Variants in ST3GAL1 observed in about 807,000 individuals in gnomAD.
ST3GAL1 encodes ST3 beta-galactoside alpha-2,3-sialyltransferase 1, also known as CMP-N-acetylneuraminate-beta-galactosamide-alpha-2,3-sialyltransferase 1.
ST3GAL1 carries 16 observed loss-of-function variants against 34.1 expected under a neutral mutation model. The observed-to-expected ratio is 0.47, with a 90% CI of 0.32 to 0.71. The LOEUF is 0.71. Among genes scored for constraint, ST3GAL1 ranks in the 30% least tolerant of loss-of-function variants. The pLI, the probability that ST3GAL1 is intolerant of heterozygous loss-of-function variation, is 0.04. For missense variants in ST3GAL1, 353 were observed against 447.4 expected (o/e 0.79, Z 1.90); for synonymous variants, 191 against 184.7 (o/e 1.03, Z -0.28).
intron 2 of ST3GAL1, among the ~76,000 whole-genome samples, chr8:133,541,192 C>A (rs1305179867): frequency 6.9e-6 from 1 of 144,566 alleles, no homozygotes; most frequent in South Asian, 2.2e-4. Flanking sequence ...TAGCTAGGAT[C>A]TTTGTCTGAT....
At chr8:133,497,423 C>T (rs1037472465) in intron 3 of ST3GAL1, among the ~76,000 whole-genome samples, 3 of 146,936 alleles carry the variant, frequency 2.0e-5, no homozygotes, top group Non-Finnish European at 3.0e-5. Flanking sequence ...ATTAGAGATA[C>T]ACCTTTCTTC....
At chr8:133,551,950 G>T (rs527607897) in intron 1 of ST3GAL1, among the ~76,000 whole-genome samples, 1 of 152,164 alleles carries the variant, frequency 6.6e-6, no homozygotes, top group African/African-American at 2.4e-5. Context: ...TTTGCTCAAG[G>T]TCATATGACT....
At chr8:133,551,596 A>T (rs1366311994) in intron 1 of ST3GAL1, among the ~76,000 whole-genome samples, 1 of 149,756 alleles carries the variant, frequency 6.7e-6, no homozygotes, top group Admixed American at 6.7e-5. Context: ...GAAAGAAAGA[A>T]AGAAAGAAAG....
At chr8:133,553,751 A>G (rs1371109126) in intron 1 of ST3GAL1, among the ~76,000 whole-genome samples, 2 of 152,180 alleles carry the variant, frequency 1.3e-5, no homozygotes, top group African/African-American at 4.8e-5. Context: ...TGTGATTAGG[A>G]TCATGCAGTG....
At chr8:133,515,232 C>T (rs1817609476) in intron 2 of ST3GAL1, among the ~76,000 whole-genome samples, 1 of 152,242 alleles carries the variant, frequency 6.6e-6, no homozygotes, top group Non-Finnish European at 1.5e-5. Context: ...GGGCCCACAC[C>T]CTGCTCCTGG....
intron 3 of ST3GAL1, among the ~76,000 whole-genome samples, chr8:133,477,523 G>A (rs1257456075): frequency 1.3e-5 from 2 of 152,056 alleles, no homozygotes; most frequent in South Asian, 2.1e-4. Context: ...TCCTTACATC[G>A]GGAGGGGTTG....
intron 2 of ST3GAL1, among the ~76,000 whole-genome samples, chr8:133,506,931 AT>A (rs1328975396): frequency 1.5e-5 from 2 of 137,102 alleles, no homozygotes; most frequent in African/African-American, 5.7e-5. Context: ...CTACTAAAAA[AT>A]AAATATATAA....
At position 133,571,742 on chromosome 8, in the gene ST3GAL1, C is replaced by T. The variant is rs1819578011; in HGVS notation, c.-631G>A. The stretch of plus-strand genomic sequence containing the variant: ...TCCGGGATTTGGGCATGAAGGGGTT[C>T]GGAGGAGAATACAGGGGTGTGGGTG... On this transcript the variant is annotated 5_prime_UTR_variant, in exon 1 of 10. Transcript: ENST00000522652. This position sits in a 1 kb window ranked among gnomAD's most constrained non-coding sequence, Gnocchi z 6.7. 1.3e-5 allele frequency: 2 copies of T among 152,602 alleles called. No individual in the cohort carries two copies. Among genetic ancestry groups the T allele is most frequent in the African/African-American group, 2.4e-5 (1 of 41,464 alleles). The allele number at this position is 152,602 out of a possible 1,614,324, so 9.5% of individuals were successfully genotyped here. A position where few individuals can be genotyped will look rare whatever the true frequency, so the allele number is the denominator to read the frequency against.
At chr8:133,471,066 T>C (rs1008206666) in intron 5 of ST3GAL1, among the ~76,000 whole-genome samples, 2 of 151,994 alleles carry the variant, frequency 1.3e-5, no homozygotes, top group Non-Finnish European at 2.9e-5. Flanking sequence ...CTGAGAAGCC[T>C]CCCTTGGACC....
chr8:133,524,704 G>A (rs546705565), intron 2 of ST3GAL1, among the ~76,000 whole-genome samples: 2 of 152,280 alleles, frequency 1.3e-5, no homozygotes, highest in South Asian at 4.1e-4. Flanking sequence ...ACTGGCACAG[G>A]TGCCAGCTCC....
At chr8:133,536,452 T>C (rs372691087) in intron 2 of ST3GAL1, among the ~76,000 whole-genome samples, 22 of 152,236 alleles carry the variant, frequency 1.4e-4, no homozygotes, top group Admixed American at 6.5e-4. Flanking sequence ...TGGAAGCACA[T>C]AGAAAATTTC....
rs143440799 is a variant in ST3GAL1, at chr8:133,571,095, G to A, written c.-582+598C>T. On this transcript the variant is annotated intron_variant, in intron 1 of 9. Coordinates refer to ENST00000522652, the MANE Select transcript of ST3GAL1 (RefSeq NM_173344.3). This position sits in a 1 kb window ranked among gnomAD's most constrained non-coding sequence, Gnocchi z 6.7. ...GCGCTCTGACGGCGTCCCCGGGGCC[G>A]ATAGCCACCTCCCGGATCTGCGCCT... is the stretch of plus-strand genomic sequence containing the variant. Among the ~76,000 whole-genome samples the A allele has an allele frequency of 6.6e-6, 1 of 152,180 alleles. No individual in the cohort carries two copies. Among genetic ancestry groups the A allele is most frequent in the Non-Finnish European group, 1.5e-5 (1 of 68,020 alleles).
chr8:133,540,708 C>CAGACATATATATATAT (rs1364360496), intron 2 of ST3GAL1, among the ~76,000 whole-genome samples: 7 of 120,450 alleles, frequency 5.8e-5, no homozygotes, highest in African/African-American at 1.3e-4. Context: ...TATATATATA[C>CAGACATATATATATAT]AGACATATAT....
intron 1 of ST3GAL1, among the ~76,000 whole-genome samples, chr8:133,561,740 G>C (rs1264048551): frequency 6.6e-6 from 1 of 152,074 alleles, no homozygotes; most frequent in African/African-American, 2.4e-5. Context: ...AATGAAGCGA[G>C]GTAGCTCTAC....
At chr8:133,537,114 G>A (rs1232380512) in intron 2 of ST3GAL1, among the ~76,000 whole-genome samples, 1 of 152,130 alleles carries the variant, frequency 6.6e-6, no homozygotes, top group African/African-American at 2.4e-5. Flanking sequence ...TTCAAATTGG[G>A]TTCCCATGAC....
intron 2 of ST3GAL1, among the ~76,000 whole-genome samples, chr8:133,515,908 T>C (rs1817631697): frequency 6.6e-6 from 1 of 152,186 alleles, no homozygotes; most frequent in South Asian, 2.1e-4. Flanking sequence ...TGGAGTGCAG[T>C]GCAGTGGTGC....
At chr8:133,515,862 G>A (rs1356913943) in intron 2 of ST3GAL1, 1 of 151,752 alleles carries the variant, frequency 6.6e-6, no homozygotes, top group Non-Finnish European at 1.5e-5. Flanking sequence ...TATTTTTTTG[G>A]TAGGAGGGGA....
intron 2 of ST3GAL1, among the ~76,000 whole-genome samples, chr8:133,505,376 G>T: frequency 6.6e-6 from 1 of 152,180 alleles, no homozygotes; most frequent in Non-Finnish European, 1.5e-5. Context: ...CATCTATGAA[G>T]CAAGCCCGTG....
intron 3 of ST3GAL1, among the ~76,000 whole-genome samples, chr8:133,477,797 T>G (rs147450624): frequency 2.0e-5 from 3 of 152,158 alleles, no homozygotes; most frequent in Admixed American, 1.3e-4. Flanking sequence ...TGCTGAAGAA[T>G]GGAAGAAATC....
Sources: allele counts gnomAD v4.1 joint callset (sites outside exome capture counted in the v4.1 genomes callset), GRCh38; gene constraint gnomAD v4.1.1; non-coding constraint Gnocchi (gnomAD v3.1); transcripts MANE v1.5; gene names NCBI Gene and HGNC (gene_info 2026-07-23, HGNC 2026-07-21).